HECTD4: variants seen among roughly 807,000 people sequenced by gnomAD.
The protein encoded by HECTD4 is HECT domain E3 ubiquitin protein ligase 4, also known as probable E3 ubiquitin-protein ligase HECTD4.
In HECTD4, 114 loss-of-function variants were observed where a neutral mutation model predicts 471.5. The ratio of observed to expected loss-of-function variants is 0.24; its 90% CI spans 0.21 to 0.28. The LOEUF is 0.28. Among genes scored for constraint, HECTD4 ranks in the 10% least tolerant of loss-of-function variants. The pLI is 1.00. For missense variants in HECTD4, 3,866 were observed against 5,651.5 expected, an observed-to-expected ratio of 0.68 and a Z score of 10.13; for synonymous variants, 2,012 against 2,256.0, an observed-to-expected ratio of 0.89 and a Z score of 3.07.
Position 112,381,337 on chromosome 12 carries a change from T to A in HECTD4, c.177+615A>T, listed in dbSNP as rs910138411. ...TCCCCGAGAGTGCATGGAGGGCCGCTGGAGCATCCCTCTCGCTGTCCACAG... is the reference window on the plus strand; with the variant it reads ...TCCCCGAGAGTGCATGGAGGGCCGCAGGAGCATCCCTCTCGCTGTCCACAG... On this transcript the variant is annotated intron_variant, in intron 1 of 75. Transcript: ENST00000682272. This position sits in a 1 kb window ranked among gnomAD's most constrained non-coding sequence, Gnocchi z 4.1. 6.6e-6 allele frequency among the ~76,000 whole-genome samples: 1 copy of A among 151,756 alleles called. No individual in the cohort carries two copies. The highest frequency in any genetic ancestry group is 1.5e-5 in the Non-Finnish European group (1 of 67,928).
intron 68 of HECTD4, 100 bp from the exon 69 acceptor site, chr12:112,170,552 G>T: frequency 1.4e-6 from 2 of 1,475,154 alleles, no homozygotes; most frequent in Non-Finnish European, 1.8e-6. Context: ...GCACTCTCAG[G>T]CCCCCTGGTG....
intron 29 of HECTD4, 53 bp downstream of exon 29, chr12:112,246,848 A>T: frequency 6.6e-7 from 1 of 1,516,574 alleles, no homozygotes; most frequent in Non-Finnish European, 8.9e-7. Context: ...TGAACAGAGT[A>T]TATTCTCTGT....
In HECTD4 at chr12:112,233,060, G is replaced by T. The variant is rs777378665; in HGVS notation, c.5941C>A (p.Leu1981Ile). 1.9e-6 allele frequency: 3 copies of T among 1,611,626 alleles called. No individual in the cohort carries two copies. The highest frequency in any genetic ancestry group is 2.2e-5 in the South Asian group (2 of 90,290). Residue 1981 changes from leucine (L) to isoleucine (I), a missense_variant, in exon 38 of 76, where the codon CTT (leucine) becomes ATT (isoleucine). By Grantham distance (5) the Leu-to-Ile change is conservative (BLOSUM62 2). Transcript: ENST00000682272. ...LSSSEGRPFRLGTGANMEKVV... is the reference protein window; with the variant it reads ...LSSSEGRPFRIGTGANMEKVV... ...TTCTCCATGTTGGCGCCAGTACCAA[G>T]TCGGAAGGGCCGTCCTTCTGAACTA...
chr12:112,333,149 A>C (rs1311627481), intron 1 of HECTD4, among the ~76,000 whole-genome samples: 2 of 152,226 alleles, frequency 1.3e-5, no homozygotes, highest in Non-Finnish European at 2.9e-5. Context: ...TATTACGAAT[A>C]ATGCTGCTAT....
At chr12:112,323,827 A>C (rs2035634312) in intron 1 of HECTD4, among the ~76,000 whole-genome samples, 2 of 151,888 alleles carry the variant, frequency 1.3e-5, no homozygotes, top group Admixed American at 6.6e-5. Context: ...TTAAAGATTA[A>C]ATAAAAGGAA....
chr12:112,306,555 A>G (rs1021766532), intron 6 of HECTD4, among the ~76,000 whole-genome samples: 23 of 152,340 alleles, frequency 1.5e-4, no homozygotes, highest in African/African-American at 5.5e-4. Context: ...GTTGTATCTA[A>G]CACTTATTAA....
chr12:112,291,901 T>C (rs2034896551), intron 7 of HECTD4, among the ~76,000 whole-genome samples: 1 of 152,278 alleles, frequency 6.6e-6, no homozygotes, highest in East Asian at 1.9e-4. Flanking sequence ...TTTTTACAGT[T>C]GGCAATTGGT....
At chr12:112,280,362 T>G (rs2034610544) in intron 8 of HECTD4, among the ~76,000 whole-genome samples, 1 of 152,214 alleles carries the variant, frequency 6.6e-6, no homozygotes, top group South Asian at 2.1e-4. Context: ...TTTACGGATT[T>G]TCTATATACA....
chr12:112,245,298 C>T (rs2033735926), intron 29 of HECTD4, among the ~76,000 whole-genome samples: 1 of 152,178 alleles, frequency 6.6e-6, no homozygotes. Context: ...CCACTGTGCC[C>T]AGCTGAGAAA....
At chr12:112,308,451 AACAAAAC>A (rs2035309490) in intron 6 of HECTD4, among the ~76,000 whole-genome samples, 1 of 148,346 alleles carries the variant, frequency 6.7e-6, no homozygotes. Flanking sequence ...AAAAAACAAA[AACAAAAC>A]AAAAAAAAAA....
At position 112,273,938 on chromosome 12, in the gene HECTD4, G is replaced by T. The variant is rs555595695; in HGVS notation, c.1802-143C>A. The stretch of plus-strand genomic sequence containing the variant: ...CAACCCTAGTCCCACAGATTTATTT[G>T]GTAAGGCACTAGGTTGGGACTCGGC... On this transcript the variant is annotated intron_variant, in intron 10 of 75. Coordinates refer to ENST00000682272, the MANE Select transcript of HECTD4 (RefSeq NM_001388303.1). 37 of 897,372 alleles carry T rather than the reference G, an allele frequency of 4.1e-5. No homozygotes were observed. In the South Asian group the frequency reaches 8.2e-4, roughly 20 times the overall value. The allele number at this position is 897,372 out of a possible 1,614,324, so 55.6% of individuals were successfully genotyped here.
At chr12:112,211,998 T>C (rs2032777202) in intron 49 of HECTD4, among the ~76,000 whole-genome samples, 1 of 152,142 alleles carries the variant, frequency 6.6e-6, no homozygotes, top group Non-Finnish European at 1.5e-5. Flanking sequence ...ATGTAGTAAG[T>C]AATAATGTTC....
Position 112,283,123 on chromosome 12 carries a change from T to G in HECTD4, c.1515A>C (p.Lys505Asn). 2.5e-6 allele frequency: 4 copies of G among 1,612,932 alleles called. No individual in the cohort carries two copies. Among genetic ancestry groups the G allele is most frequent in the Non-Finnish European group, 3.4e-6 (4 of 1,179,406 alleles). The change falls in exon 8 of 76, where the codon AAA becomes AAC. Residue 505 changes from lysine to asparagine, a missense_variant. Physicochemically the swap from Lys to Asn is moderately conservative, Grantham distance 94. Transcript: ENST00000682272. ...AGAGTAACATACCTGCTTGATCCTC[T>G]TTCAGTGTGTTGGAGATGGTGGAAC... Reference protein sequence around the residue: ...LTGSTISNTLKEDQAANTSCG... With the variant: ...LTGSTISNTLNEDQAANTSCG...
rs779940488 is a variant in HECTD4 at position 112,256,396 on chromosome 12, G to C, written c.3251C>G (p.Thr1084Arg). ...PVRDNYKFKE[T>R]VHIPGARCLY... Reference sequence around the variant, plus strand: ...GCAGCGAGCTCCTGGGATATGGACCGTTTCTTTAAATTTATAGTTGTCTCT... The same window carrying C: ...GCAGCGAGCTCCTGGGATATGGACCCTTTCTTTAAATTTATAGTTGTCTCT... The change falls in exon 21 of 76, where the codon ACG becomes AGG. Residue 1084 changes from threonine (T) to arginine (R), a missense_variant. Thr to Arg is a moderately conservative substitution (Grantham distance 71). Coordinates refer to ENST00000682272, the MANE Select transcript of HECTD4 (RefSeq NM_001388303.1). The C allele has an allele frequency of 3.7e-6, 6 of 1,612,732 alleles. No individual in the cohort carries two copies. The highest frequency in any genetic ancestry group is 5.1e-6 in the Non-Finnish European group (6 of 1,179,404).
At chr12:112,299,154 C>T (rs2035110591) in intron 7 of HECTD4, among the ~76,000 whole-genome samples, 1 of 152,160 alleles carries the variant, frequency 6.6e-6, no homozygotes, top group African/African-American at 2.4e-5. Context: ...TCAGATTCAA[C>T]TATTGCCACA....
intron 7 of HECTD4, among the ~76,000 whole-genome samples, chr12:112,291,113 C>A (rs1448325595): frequency 6.6e-6 from 1 of 151,952 alleles, no homozygotes; most frequent in African/African-American, 2.4e-5. Context: ...TGTTTCTTTA[C>A]AAAATTTTTC....
intron 1 of HECTD4, among the ~76,000 whole-genome samples, chr12:112,359,580 A>G (rs1245947091): frequency 6.6e-6 from 1 of 152,098 alleles, no homozygotes; most frequent in Non-Finnish European, 1.5e-5. Flanking sequence ...CACCATGTCC[A>G]GCTACTTTTT....
Position 112,251,148 on chromosome 12 carries a change from A to G in HECTD4, c.3553-14T>C. 1 of 1,612,342 alleles carries G rather than the reference A, an allele frequency of 6.2e-7. No individual in the cohort carries two copies. On this transcript the variant is annotated splice_polypyrimidine_tract_variant and intron_variant, in intron 23 of 75. Transcript: ENST00000682272. ...CTCCGAAGACTCCTACAATGCAGAC[A>G]GGGGTAAACCACACTGGTCAGTGTA...
At position 112,267,213 on chromosome 12, in the gene HECTD4, C is replaced by G. The variant is rs1420345914; in HGVS notation, c.2322-231G>C. The G allele has an allele frequency of 9.9e-6, 5 of 505,688 alleles. No homozygotes were observed. In the East Asian group the frequency reaches 1.4e-4, roughly 14 times the overall value. 31.3% of individuals were successfully genotyped at this position (505,688 alleles called of 1,614,324 possible). A position where few individuals can be genotyped will look rare whatever the true frequency, so the allele number is the denominator to read the frequency against. On this transcript the variant is annotated intron_variant, in intron 13 of 75. Coordinates refer to ENST00000682272, the MANE Select transcript of HECTD4 (RefSeq NM_001388303.1). The stretch of plus-strand genomic sequence containing the variant: ...TGCGTCCCTCCCGAAGCTGCGCGCT[C>G]GGTCGAAGAGGACGACCATCCCCGA...
Sources: allele counts gnomAD v4.1 joint callset (sites outside exome capture counted in the v4.1 genomes callset), GRCh38; gene constraint gnomAD v4.1.1; non-coding constraint Gnocchi (gnomAD v3.1); transcripts MANE v1.5; gene names NCBI Gene and HGNC (gene_info 2026-07-23, HGNC 2026-07-21).